Variants in JAK2 observed in about 807,000 individuals in gnomAD.
The protein encoded by JAK2 is Janus kinase 2, also known as tyrosine-protein kinase JAK2.
JAK2 carries 86 observed loss-of-function variants against 139.3 expected under a neutral mutation model. That is an observed-to-expected ratio of 0.62 (90% CI 0.52 to 0.74). The LOEUF (loss-of-function observed/expected upper bound fraction) is 0.74. JAK2 is among the 30% of genes least tolerant of loss of function. The pLI is 0.00. For synonymous variants in JAK2, 490 were observed against 437.7 expected, an observed-to-expected ratio of 1.12 and a Z score of -1.49; for missense variants, 1,421 against 1,360.3, an observed-to-expected ratio of 1.04 and a Z score of -0.70.
intron 4 of JAK2, among the ~76,000 whole-genome samples, chr9:5,044,122 CT>C (rs1816825937): frequency 6.6e-6 from 1 of 152,188 alleles, no homozygotes; most frequent in Non-Finnish European, 1.5e-5. Flanking sequence ...ATGTTTTTAA[CT>C]TTTTGTTAAT....
In JAK2 at chr9:5,081,794, C is replaced by A; in HGVS notation, c.2504C>A (p.Ala835Asp). The change falls in exon 19 of 25, where the codon GCC (alanine) becomes GAC (aspartate). Residue 835 changes from alanine to aspartate, a missense_variant. Physicochemically the swap from Ala to Asp is moderately radical, Grantham distance 126. Coordinates refer to ENST00000381652, the MANE Select transcript of JAK2 (RefSeq NM_004972.4). ...ATAGGTGCCCTGGGGTTTTCTGGTG[C>A]CTTTGAAGACCGGGATCCTACACAG... ...MRIGALGFSG[A>D]FEDRDPTQFE... The A allele has an allele frequency of 6.2e-7, 1 of 1,610,632 alleles. No homozygotes were observed. The highest frequency in any genetic ancestry group is 8.5e-7 in the Non-Finnish European group (1 of 1,176,978).
intron 22 of JAK2, chr9:5,112,449 G>T: frequency 1.9e-6 from 1 of 533,084 alleles, no homozygotes. Flanking sequence ...AGGAGAAGAA[G>T]GAGCTGAAGG....
intron 2 of JAK2, among the ~76,000 whole-genome samples, chr9:4,990,695 C>G (rs1199920805): frequency 6.6e-6 from 1 of 151,978 alleles, no homozygotes; most frequent in South Asian, 2.1e-4. Flanking sequence ...TGAGAAGAAT[C>G]AGATCCAAAA....
intron 23 of JAK2, chr9:5,126,027 T>C (rs973283288): frequency 1.5e-5 from 3 of 196,716 alleles, no homozygotes; most frequent in Non-Finnish European, 3.1e-5. Flanking sequence ...TGAAATGTAA[T>C]ATGATAAAAA....
chr9:5,047,158 T>C (rs1817066164), intron 5 of JAK2, among the ~76,000 whole-genome samples: 1 of 152,216 alleles, frequency 6.6e-6, no homozygotes, highest in Admixed American at 6.5e-5. Context: ...GAAAATATGA[T>C]AGTATTTAGA....
chr9:5,021,915 G>A, intron 2 of JAK2, 48 bp from the exon 3 acceptor site: 1 of 1,128,856 alleles, frequency 8.9e-7, no homozygotes, highest in Non-Finnish European at 1.3e-6. Context: ...TTACAGGTGT[G>A]AGACACTGCG....
In JAK2 at chr9:5,054,572, A is replaced by G; in HGVS notation, c.624A>G (p.Thr208=). 6.3e-7 allele frequency: 1 copy of G among 1,582,820 alleles called. No homozygotes were observed. ...LAIYNSISYK[T]FLPKCIRAKI... The stretch of plus-strand genomic sequence containing the variant: ...GCTTTTTTATCCCTAGCTACAAGAC[A>G]TTCTTACCAAAATGTATTCGAGCAA... Residue 208 remains threonine (T), a synonymous_variant, in exon 7 of 25, where the codon ACA becomes ACG. Coordinates refer to ENST00000381652, the MANE Select transcript of JAK2 (RefSeq NM_004972.4). The surrounding 1 kb of genome is among the most constrained non-coding windows in gnomAD (Gnocchi z 4.9).
chr9:5,090,357 G>A (rs915506724), intron 20 of JAK2, 89 bp from the exon 21 acceptor site: 43 of 970,988 alleles, frequency 4.4e-5, no homozygotes, highest in Non-Finnish European at 5.8e-5. Flanking sequence ...TTTCATATAT[G>A]TTTAAGTCAT....
rs115926729 is a variant in JAK2, at chr9:5,114,204, C to T, written c.3060-8800C>T. On this transcript the variant is annotated intron_variant, in intron 22 of 24. Coordinates refer to ENST00000381652, the MANE Select transcript of JAK2 (RefSeq NM_004972.4). ...GCAAGGGGTGAGCACCTACCTGAGC[C>T]GGTCCAGCCCCTTCTACCTGTTCAT... is the stretch of plus-strand genomic sequence containing the variant. 1,291 of 482,630 alleles carry T rather than the reference C, an allele frequency of 2.7e-3. 22 individuals carry two copies. Among genetic ancestry groups the T allele is most frequent in the African/African-American group, 0.022 (1,119 of 51,284 alleles). 29.9% of individuals were successfully genotyped at this position (482,630 alleles called of 1,614,324 possible).
At chr9:5,121,193 T>C (rs1329822194) in intron 22 of JAK2, among the ~76,000 whole-genome samples, 1 of 152,252 alleles carries the variant, frequency 6.6e-6, no homozygotes, top group East Asian at 1.9e-4. Context: ...AGGAAAACAA[T>C]TTTATGATTG....
At chr9:5,004,902 G>A (rs1279409835) in intron 2 of JAK2, among the ~76,000 whole-genome samples, 1 of 149,900 alleles carries the variant, frequency 6.7e-6, no homozygotes, top group Non-Finnish European at 1.5e-5. Context: ...GAACATGTTG[G>A]CCATTTACAT....
intron 4 of JAK2, among the ~76,000 whole-genome samples, chr9:5,037,991 G>A (rs536080798): frequency 2.9e-3 from 437 of 152,160 alleles, no homozygotes; most frequent in African/African-American, 0.01. Context: ...AATATATAGC[G>A]TCACTAGTTA....
chr9:5,087,395 G>C (rs1221229608), intron 19 of JAK2, among the ~76,000 whole-genome samples: 3 of 152,158 alleles, frequency 2.0e-5, no homozygotes, highest in African/African-American at 7.2e-5. Context: ...CTCCCACCAG[G>C]TCCTTCCAAT....
At position 5,016,081 on chromosome 9, in the gene JAK2, T is replaced by TA. The variant is rs1822038678; in HGVS notation, c.-25-5881dup. On this transcript the variant is annotated intron_variant, in intron 2 of 24. Transcript: ENST00000381652. The stretch of plus-strand genomic sequence containing the variant: ...ATGACTAGAGGCAGGTCCAGGATGT[T>TA]ACTTTTACTGCCAGCCGTCGCTTCC... Among the ~76,000 whole-genome samples the TA allele has an allele frequency of 2.0e-5, 3 of 152,156 alleles. No homozygotes were observed. In the South Asian group the frequency reaches 6.2e-4, roughly 32 times the overall value.
At chr9:5,021,930 G>A in intron 2 of JAK2, 33 bp from the exon 3 acceptor site, 1 of 1,319,906 alleles carries the variant, frequency 7.6e-7, no homozygotes, top group Non-Finnish European at 1.1e-6. Flanking sequence ...ACTGCGCCCA[G>A]CCCATTTGTA....
chr9:4,987,085 A>C (rs1273577196), intron 2 of JAK2, among the ~76,000 whole-genome samples: 1 of 152,254 alleles, frequency 6.6e-6, no homozygotes, highest in Non-Finnish European at 1.5e-5. Flanking sequence ...GTTGGTGTGT[A>C]ACGTATGTAC....
At chr9:5,091,047 T>A in intron 22 of JAK2, 136 bp downstream of exon 22, 1 of 631,486 alleles carries the variant, frequency 1.6e-6, no homozygotes, top group Non-Finnish European at 2.6e-6. Flanking sequence ...ACATTTAACT[T>A]TTTTTTTTTA....
intron 22 of JAK2, chr9:5,100,113 T>C (rs1821352691): frequency 6.6e-6 from 1 of 152,236 alleles, no homozygotes; most frequent in Non-Finnish European, 1.5e-5. Context: ...CTATTAGTTT[T>C]CCCACAGCTT....
intron 8 of JAK2, among the ~76,000 whole-genome samples, chr9:5,058,894 T>C (rs1817965432): frequency 6.6e-6 from 1 of 152,236 alleles, no homozygotes; most frequent in Non-Finnish European, 1.5e-5. Context: ...TTTTTTTTGC[T>C]GAATTATAGA....
Sources: gnomAD v4.1 joint callset for allele counts (sites outside exome capture counted in the v4.1 genomes callset) on GRCh38, gnomAD v4.1.1 for gene constraint, Gnocchi (gnomAD v3.1) non-coding constraint, MANE v1.5 for transcripts, NCBI Gene and HGNC (gene_info 2026-07-23, HGNC 2026-07-21) for gene names.